Variants in PTPRD observed in about 807,000 individuals in gnomAD.
PTPRD encodes the protein protein tyrosine phosphatase receptor type D.
PTPRD carries 34 observed loss-of-function variants against 214.5 expected under a neutral mutation model. The observed-to-expected ratio is 0.16, with a 90% CI of 0.12 to 0.21. The LOEUF is 0.21. PTPRD is among the 10% of genes least tolerant of loss of function. PTPRD has a pLI of 1.00. For missense variants in PTPRD, 2,545 were observed against 2,398.7 expected, an observed-to-expected ratio of 1.06 and a Z score of -1.27; for synonymous variants, 1,128 against 845.7, an observed-to-expected ratio of 1.33 and a Z score of -5.79.
At chr9:8,680,222 A>G (rs1260734427) in intron 12 of PTPRD, among the ~76,000 whole-genome samples, 1 of 152,194 alleles carries the variant, frequency 6.6e-6, no homozygotes, top group African/African-American at 2.4e-5. Context: ...AGCCGTATGT[A>G]AGAAGCAAAA....
chr9:9,775,759 C>G (rs748531133), intron 5 of PTPRD, among the ~76,000 whole-genome samples: 1 of 151,994 alleles, frequency 6.6e-6, no homozygotes, highest in African/African-American at 2.4e-5. Flanking sequence ...CTGGCTAACA[C>G]GGTGAAACCC....
At chr9:9,506,535 G>C (rs915033485) in intron 8 of PTPRD, among the ~76,000 whole-genome samples, 2 of 151,344 alleles carry the variant, frequency 1.3e-5, no homozygotes, top group Non-Finnish European at 3.0e-5. Flanking sequence ...AAATGGGAAA[G>C]TTTTGTTTAA....
chr9:9,913,688 C>G (rs1045051938), intron 5 of PTPRD, among the ~76,000 whole-genome samples: 1 of 152,084 alleles, frequency 6.6e-6, no homozygotes, highest in African/African-American at 2.4e-5. Context: ...CCCACAAGCC[C>G]CATTGCCTAT....
intron 12 of PTPRD, among the ~76,000 whole-genome samples, chr9:8,654,918 G>C (rs1342514230): frequency 1.3e-5 from 2 of 151,912 alleles, no homozygotes; most frequent in African/African-American, 2.4e-5. Flanking sequence ...TTTTCTGTTA[G>C]ACTTTCCCTG....
intron 14 of PTPRD, among the ~76,000 whole-genome samples, chr9:8,600,582 T>C (rs2094795200): frequency 6.6e-6 from 1 of 151,646 alleles, no homozygotes; most frequent in African/African-American, 2.4e-5. Flanking sequence ...ACAGCCACAG[T>C]AGGATGGGGC....
At chr9:10,159,143 G>C (rs113882083) in intron 3 of PTPRD, among the ~76,000 whole-genome samples, 153 of 151,472 alleles carry the variant, frequency 1.0e-3, no homozygotes, top group African/African-American at 3.5e-3. Context: ...ATGGGCTTAA[G>C]GTACCATCTA....
At chr9:10,204,737 G>A (rs558382949) in intron 3 of PTPRD, among the ~76,000 whole-genome samples, 121 of 152,056 alleles carry the variant, frequency 8.0e-4, no homozygotes, top group African/African-American at 2.6e-3. Context: ...AGAATAAAGC[G>A]TATATTCAGC....
At chr9:9,206,377 T>C (rs994728005) in intron 9 of PTPRD, among the ~76,000 whole-genome samples, 4 of 152,324 alleles carry the variant, frequency 2.6e-5, no homozygotes, top group Admixed American at 2.6e-4. Flanking sequence ...CTGGCAATTA[T>C]GTGAAAACTA....
intron 4 of PTPRD, among the ~76,000 whole-genome samples, chr9:9,959,093 G>T (rs2094163830): frequency 6.6e-6 from 1 of 152,104 alleles, no homozygotes; most frequent in Admixed American, 6.6e-5. Context: ...AAAACTGGAA[G>T]CAACCAAGAT....
chr9:9,917,236 T>G (rs1052666418), intron 5 of PTPRD, among the ~76,000 whole-genome samples: 9 of 105,154 alleles, frequency 8.6e-5, no homozygotes, highest in African/African-American at 3.1e-4. Context: ...AAAAAATTTT[T>G]AAAAATCCAC....
At chr9:9,699,737 G>C (rs973725148) in intron 7 of PTPRD, among the ~76,000 whole-genome samples, 1 of 152,162 alleles carries the variant, frequency 6.6e-6, no homozygotes, top group Non-Finnish European at 1.5e-5. Context: ...TAAAGTTTTA[G>C]TAGTTGAAAA....
chr9:10,186,162 T>C (rs530681086), intron 3 of PTPRD, among the ~76,000 whole-genome samples: 44 of 152,188 alleles, frequency 2.9e-4, no homozygotes, highest in African/African-American at 1.0e-3. Context: ...ATCCAGACTA[T>C]TGGATCAACG....
chr9:9,789,561 G>A (rs1163495120), intron 5 of PTPRD, among the ~76,000 whole-genome samples: 1 of 151,952 alleles, frequency 6.6e-6, no homozygotes, highest in South Asian at 2.1e-4. Flanking sequence ...ACTTTGGGAG[G>A]CCGAGGCGGG....
chr9:8,381,952 C>G (rs2085235261), intron 37 of PTPRD, among the ~76,000 whole-genome samples: 1 of 152,110 alleles, frequency 6.6e-6, no homozygotes, highest in Admixed American at 6.5e-5. Context: ...TTGATATCAG[C>G]TCTTCCCACA....
chr9:8,385,779 G>C (rs541086043), intron 37 of PTPRD, among the ~76,000 whole-genome samples: 4 of 152,242 alleles, frequency 2.6e-5, no homozygotes, highest in African/African-American at 9.6e-5. Context: ...TTCCCCGGCT[G>C]ATCTCTATTC....
At chr9:9,573,991 A>C (rs987783250) in intron 8 of PTPRD, among the ~76,000 whole-genome samples, 1 of 151,804 alleles carries the variant, frequency 6.6e-6, no homozygotes, top group Admixed American at 6.6e-5. Context: ...TATGATACAA[A>C]TGCCCACATT....
At chr9:10,428,971 C>T (rs573499769) in intron 2 of PTPRD, among the ~76,000 whole-genome samples, 132 of 151,984 alleles carry the variant, frequency 8.7e-4, no homozygotes, top group African/African-American at 3.0e-3. Flanking sequence ...TAGTACCTGT[C>T]GCATAGGGTT....
intron 7 of PTPRD, among the ~76,000 whole-genome samples, chr9:9,712,715 G>T (rs545807119): frequency 1.2e-4 from 18 of 152,164 alleles, no homozygotes; most frequent in Non-Finnish European, 2.6e-4. Context: ...TTATCCATTG[G>T]TCTCAGAATA....
At chr9:9,437,861 T>G (rs1046132515) in intron 8 of PTPRD, among the ~76,000 whole-genome samples, 2 of 152,208 alleles carry the variant, frequency 1.3e-5, no homozygotes, top group African/African-American at 4.8e-5. Flanking sequence ...TTTACTCATT[T>G]CAAGTATTTC....
Sources: allele counts gnomAD v4.1 joint callset (sites outside exome capture counted in the v4.1 genomes callset), GRCh38; gene constraint gnomAD v4.1.1; transcripts MANE v1.5; gene names NCBI Gene and HGNC (gene_info 2026-07-23, HGNC 2026-07-21).